Variants in RGS7BP observed in about 807,000 individuals in gnomAD.
RGS7BP encodes the protein regulator of G protein signaling 7-binding protein.
In RGS7BP, 9 loss-of-function variants were observed where a neutral mutation model predicts 31.3. The observed-to-expected ratio is 0.29, with a 90% CI of 0.17 to 0.50. The LOEUF (loss-of-function observed/expected upper bound fraction) is 0.50. Ranked by LOEUF, RGS7BP falls within the 20% of genes least tolerant of loss-of-function variation. The pLI is 0.98. For synonymous variants in RGS7BP, 115 were observed against 120.1 expected (o/e 0.96, Z 0.28); for missense variants, 274 against 322.0 (o/e 0.85, Z 1.14).
chr5:64,535,324 G>T (rs1249609483), intron 2 of RGS7BP, among the ~76,000 whole-genome samples: 1 of 152,132 alleles, frequency 6.6e-6, no homozygotes, highest in Non-Finnish European at 1.5e-5. Flanking sequence ...TAAAGAACAA[G>T]TGTATACACT....
intron 2 of RGS7BP, among the ~76,000 whole-genome samples, chr5:64,554,330 C>A (rs4404633): frequency 0.79 from 120,346 of 152,120 alleles, 48,076 homozygotes; most frequent in African/African-American, 0.89. Flanking sequence ...TCTCATCCTT[C>A]GTAGTGACAG....
At chr5:64,606,893 A>G (rs1420845171) in intron 5 of RGS7BP, among the ~76,000 whole-genome samples, 1 of 152,088 alleles carries the variant, frequency 6.6e-6, no homozygotes, top group Non-Finnish European at 1.5e-5. Flanking sequence ...ATTTTTCACT[A>G]TGGAAAGGAC....
chr5:64,509,057 T>C (rs1748764060), intron 2 of RGS7BP, among the ~76,000 whole-genome samples: 1 of 152,106 alleles, frequency 6.6e-6, no homozygotes, highest in Non-Finnish European at 1.5e-5. Flanking sequence ...TTAGTAAAAA[T>C]ATTGAGAAGC....
chr5:64,515,962 G>C (rs1241526131), intron 2 of RGS7BP, among the ~76,000 whole-genome samples: 2 of 151,970 alleles, frequency 1.3e-5, no homozygotes, highest in African/African-American at 2.4e-5. Context: ...ACCAGACACA[G>C]CTAATTTTTT....
chr5:64,569,473 T>A (rs1469690456), intron 2 of RGS7BP, among the ~76,000 whole-genome samples: 1 of 152,170 alleles, frequency 6.6e-6, no homozygotes, highest in Non-Finnish European at 1.5e-5. Context: ...ATTGTAGTAC[T>A]CATTTTGGTA....
chr5:64,584,815 A>G (rs745394398), intron 3 of RGS7BP, among the ~76,000 whole-genome samples: 20 of 152,338 alleles, frequency 1.3e-4, no homozygotes, highest in Non-Finnish European at 2.8e-4. Context: ...ATTTTTTGCC[A>G]TGTGTTTTAT....
chr5:64,521,580 A>C (rs1383967544), intron 2 of RGS7BP, among the ~76,000 whole-genome samples: 1 of 152,216 alleles, frequency 6.6e-6, no homozygotes, highest in Admixed American at 6.5e-5. Context: ...ACATATTGTC[A>C]GTAAACAGAT....
chr5:64,520,089 A>T (rs867669285), intron 2 of RGS7BP, among the ~76,000 whole-genome samples: 1 of 152,204 alleles, frequency 6.6e-6, no homozygotes, highest in Non-Finnish European at 1.5e-5. Context: ...AAGTATTTTT[A>T]AAATCTCCAT....
intron 2 of RGS7BP, among the ~76,000 whole-genome samples, chr5:64,564,832 G>A (rs1742132356): frequency 6.6e-6 from 1 of 151,938 alleles, no homozygotes; most frequent in Non-Finnish European, 1.5e-5. Flanking sequence ...TGGAGAACTG[G>A]GGAGCTTCTG....
intron 2 of RGS7BP, among the ~76,000 whole-genome samples, chr5:64,522,971 A>G (rs1473979025): frequency 1.3e-5 from 2 of 152,188 alleles, no homozygotes; most frequent in African/African-American, 4.8e-5. Flanking sequence ...TGAGGGGGAA[A>G]GAGGCAGGGA....
intron 3 of RGS7BP, among the ~76,000 whole-genome samples, chr5:64,579,543 C>CAAAAA (rs34003776): frequency 1.5e-3 from 79 of 53,252 alleles, no homozygotes; most frequent in South Asian, 3.5e-3. Context: ...GACTCCATCT[C>CAAAAA]AAAAAAAAAA....
At chr5:64,606,182 C>A (rs1212670687) in intron 5 of RGS7BP, among the ~76,000 whole-genome samples, 1 of 151,450 alleles carries the variant, frequency 6.6e-6, no homozygotes, top group East Asian at 1.9e-4. Context: ...AAACAAATTT[C>A]ATAATATCTG....
chr5:64,555,899 C>T (rs1741912153), intron 2 of RGS7BP, among the ~76,000 whole-genome samples: 1 of 151,922 alleles, frequency 6.6e-6, no homozygotes, highest in South Asian at 2.1e-4. Context: ...TTTCTTAGTC[C>T]ACCAGCCCAT....
chr5:64,546,755 T>C (rs1449730225), intron 2 of RGS7BP, among the ~76,000 whole-genome samples: 4 of 152,216 alleles, frequency 2.6e-5, no homozygotes, highest in African/African-American at 9.6e-5. Flanking sequence ...GCAGTAGAAT[T>C]TATTGTCTCT....
chr5:64,559,071 T>C (rs530686979), intron 2 of RGS7BP, among the ~76,000 whole-genome samples: 1 of 152,306 alleles, frequency 6.6e-6, no homozygotes, highest in South Asian at 2.1e-4. Flanking sequence ...TTCTGCCTTG[T>C]GACCTTTTGT....
intron 2 of RGS7BP, among the ~76,000 whole-genome samples, chr5:64,561,411 ATGG>A (rs1261015285): frequency 6.6e-6 from 1 of 152,168 alleles, no homozygotes; most frequent in Admixed American, 6.5e-5. Context: ...TGCCCTGGTA[ATGG>A]TATGTACCGG....
intron 3 of RGS7BP, among the ~76,000 whole-genome samples, chr5:64,582,788 T>C (rs1379329570): frequency 2.0e-5 from 3 of 151,988 alleles, no homozygotes; most frequent in Non-Finnish European, 4.4e-5. Flanking sequence ...AGACAAAGAA[T>C]AAAATATGAG....
intron 2 of RGS7BP, among the ~76,000 whole-genome samples, chr5:64,516,935 C>CAGAAAAGATTATACTTGGCTAT (rs1748992107): frequency 1.4e-5 from 2 of 147,496 alleles, no homozygotes; most frequent in South Asian, 4.3e-4. Flanking sequence ...GCATCTGTAT[C>CAGAAAAGATTATACTTGGCTAT]AGAAAAGATT....
At chr5:64,566,771 T>C (rs956726036) in intron 2 of RGS7BP, among the ~76,000 whole-genome samples, 1 of 151,938 alleles carries the variant, frequency 6.6e-6, no homozygotes, top group African/African-American at 2.4e-5. Flanking sequence ...GTAGACTGTA[T>C]GGTCACCACG....
Sources: allele counts gnomAD v4.1 joint callset (sites outside exome capture counted in the v4.1 genomes callset), GRCh38; gene constraint gnomAD v4.1.1; transcripts MANE v1.5; gene names NCBI Gene and HGNC (gene_info 2026-07-23, HGNC 2026-07-21).